The following RALA variants were observed in gnomAD, a reference collection of about 807,000 sequenced individuals.
RALA encodes RAS like proto-oncogene A.
A neutral mutation model predicts 24.0 loss-of-function variants in RALA; 5 were observed. The ratio of observed to expected loss-of-function variants is 0.21; its 90% CI spans 0.11 to 0.44. RALA has a LOEUF of 0.44. Ranked by LOEUF, RALA falls within the 20% of genes least tolerant of loss-of-function variation. The pLI is 0.99. For synonymous variants in RALA, 77 were observed against 83.8 expected (o/e 0.92, Z 0.44); for missense variants, 95 against 241.2 (o/e 0.39, Z 4.01).
In RALA at chr7:39,686,678, A is replaced by G; in HGVS notation, c.11A>G (p.Asn4Ser). MAA[N>S]KPKGQNSLAL... The stretch of plus-strand genomic sequence containing the variant: ...AAACTGAGACACAAAATGGCTGCAA[A>G]TAAGCCCAAGGGTCAGAATTCTTTG... The change falls in exon 2 of 5, where the codon AAT (asparagine) becomes AGT (serine). Residue 4 changes from asparagine (N) to serine (S), a missense_variant. Asn to Ser is a conservative substitution (Grantham distance 46). Transcript: ENST00000005257. 4 of 1,614,054 alleles carry G rather than the reference A, an allele frequency of 2.5e-6. No homozygotes were observed. Among genetic ancestry groups the G allele is most frequent in the Non-Finnish European group, 3.4e-6 (4 of 1,179,918 alleles).
chr7:39,686,878 T>A, intron 2 of RALA, 97 bp downstream of exon 2: 1 of 836,836 alleles, frequency 1.2e-6, no homozygotes, highest in Non-Finnish European at 1.9e-6. Flanking sequence ...GTTTGAATCC[T>A]TGAAATTACT....
chr7:39,702,707 A>C (rs1280365144), intron 4 of RALA, among the ~76,000 whole-genome samples: 3 of 152,242 alleles, frequency 2.0e-5, no homozygotes, highest in African/African-American at 4.8e-5. Context: ...CCTGTCATTC[A>C]TGGCAATATG....
At chr7:39,628,011 T>C (rs533296038) in intron 1 of RALA, among the ~76,000 whole-genome samples, 26 of 152,184 alleles carry the variant, frequency 1.7e-4, no homozygotes, top group Admixed American at 1.2e-3. Flanking sequence ...TTTAGCCTTA[T>C]CTCTCTTCTT....
chr7:39,623,703 C>A lies in RALA; in HGVS notation c.-160C>A, dbSNP rs948210566. 2 of 155,132 alleles carry A rather than the reference C, an allele frequency of 1.3e-5. No homozygotes were observed. The highest frequency in any genetic ancestry group is 4.8e-5 in the African/African-American group (2 of 41,478). 9.6% of individuals were successfully genotyped at this position (155,132 alleles called of 1,614,324 possible). A position where few individuals can be genotyped will look rare whatever the true frequency, so the allele number is the denominator to read the frequency against. On this transcript the variant is annotated 5_prime_UTR_variant, in exon 1 of 5. Transcript: ENST00000005257. The surrounding 1 kb of genome is among the most constrained non-coding windows in gnomAD (Gnocchi z 4.9). ...CCAGGCTCCCCCGCCACCCGTCAGACTCCTCCTTCGACCGCTCCCGGCGCG... is the reference window on the plus strand; with the variant it reads ...CCAGGCTCCCCCGCCACCCGTCAGAATCCTCCTTCGACCGCTCCCGGCGCG...
intron 4 of RALA, among the ~76,000 whole-genome samples, chr7:39,704,125 C>T (rs1414034712): frequency 6.9e-6 from 1 of 145,130 alleles, no homozygotes; most frequent in Admixed American, 7.0e-5. Context: ...GAGATCACGC[C>T]ATCCCACTCC....
intron 1 of RALA, among the ~76,000 whole-genome samples, chr7:39,679,325 T>C (rs945678797): frequency 1.3e-5 from 2 of 152,160 alleles, no homozygotes; most frequent in Admixed American, 1.3e-4. Context: ...TTGATTTTAA[T>C]TACAACCCTT....
intron 1 of RALA, among the ~76,000 whole-genome samples, chr7:39,636,116 CAT>C (rs140960457): frequency 2.0e-5 from 3 of 152,302 alleles, no homozygotes; most frequent in Non-Finnish European, 4.4e-5. Context: ...AGTTGATGGA[CAT>C]GTGGGTGTTT....
chr7:39,695,927 A>AT (rs1189583561), intron 3 of RALA, among the ~76,000 whole-genome samples: 5 of 152,278 alleles, frequency 3.3e-5, no homozygotes, highest in African/African-American at 7.2e-5. Context: ...ATGAGCTAAC[A>AT]TTTTTTGAAT....
intron 1 of RALA, among the ~76,000 whole-genome samples, chr7:39,665,784 G>T (rs1465306156): frequency 1.3e-5 from 2 of 151,966 alleles, no homozygotes; most frequent in African/African-American, 4.8e-5. Context: ...TTTGTGTAAG[G>T]TCATTCTTAC....
intron 1 of RALA, among the ~76,000 whole-genome samples, chr7:39,658,454 T>C (rs930279572): frequency 6.6e-6 from 1 of 152,220 alleles, no homozygotes; most frequent in Non-Finnish European, 1.5e-5. Context: ...ATAAACCATA[T>C]GAAACTGCTG....
At chr7:39,639,648 T>G (rs1038488406) in intron 1 of RALA, among the ~76,000 whole-genome samples, 13 of 152,340 alleles carry the variant, frequency 8.5e-5, no homozygotes, top group African/African-American at 3.1e-4. Flanking sequence ...TTTTCATGCA[T>G]TTGTCCTATG....
At chr7:39,634,271 T>G (rs762624613) in intron 1 of RALA, among the ~76,000 whole-genome samples, 1 of 152,198 alleles carries the variant, frequency 6.6e-6, no homozygotes, top group Non-Finnish European at 1.5e-5. Context: ...GCTGTCTGTT[T>G]TCACTTTTCC....
At chr7:39,700,888 A>G (rs7778955) in intron 4 of RALA, 47,635 of 152,134 alleles carry the variant, frequency 0.31, 8,232 homozygotes, top group Non-Finnish European at 0.4. Context: ...TGGCTACATA[A>G]AAGTCATTTG....
chr7:39,636,890 A>G (rs1019710801), intron 1 of RALA, among the ~76,000 whole-genome samples: 10 of 152,074 alleles, frequency 6.6e-5, no homozygotes, highest in Non-Finnish European at 1.3e-4. Flanking sequence ...ATCAGATCTC[A>G]TGAGAACTCA....
At chr7:39,700,982 C>A (rs1182106261) in intron 4 of RALA, 1 of 152,150 alleles carries the variant, frequency 6.6e-6, no homozygotes, top group Non-Finnish European at 1.5e-5. Context: ...ATCAGAAAAG[C>A]TAATATTTAT....
intron 4 of RALA, 84 bp downstream of exon 4, chr7:39,696,943 T>C (rs1792932734): frequency 2.3e-6 from 3 of 1,297,572 alleles, no homozygotes; most frequent in East Asian, 4.7e-5. Flanking sequence ...GGAGAGTCTA[T>C]GAAACTTTCA....
Position 39,699,127 on chromosome 7 carries a change from T to C in RALA, c.498+2268T>C, listed in dbSNP as rs1004458151. ...TTTAAGTGCTAAAAATGTTATTTTT[T>C]TTTTTTTTTTTTTTTTTTTTTTTTG... On this transcript the variant is annotated intron_variant, in intron 4 of 4. Transcript: ENST00000005257. Among the ~76,000 whole-genome samples the C allele has an allele frequency of 8.3e-4, 90 of 108,888 alleles. 1 individual carries two copies. Among genetic ancestry groups the C allele is most frequent in the African/African-American group, 3.6e-3 (89 of 25,012 alleles). 71.4% of individuals were successfully genotyped at this position (108,888 alleles called of 152,430 possible). A position where few individuals can be genotyped will look rare whatever the true frequency, so the allele number is the denominator to read the frequency against.
chr7:39,704,987 T>C (rs1158797295), intron 4 of RALA, among the ~76,000 whole-genome samples: 1 of 152,228 alleles, frequency 6.6e-6, no homozygotes, highest in African/African-American at 2.4e-5. Context: ...AATTTTATTT[T>C]TGAATACGTA....
intron 1 of RALA, among the ~76,000 whole-genome samples, chr7:39,633,552 C>T (rs1054052448): frequency 6.6e-6 from 1 of 152,218 alleles, no homozygotes; most frequent in African/African-American, 2.4e-5. Context: ...TCACCTCCCA[C>T]CTAGTCCCTC....
Sources: allele counts gnomAD v4.1 joint callset (sites outside exome capture counted in the v4.1 genomes callset), GRCh38; gene constraint gnomAD v4.1.1; non-coding constraint Gnocchi (gnomAD v3.1); transcripts MANE v1.5; gene names NCBI Gene and HGNC (gene_info 2026-07-23, HGNC 2026-07-21).